The following CBLL1 variants were observed in gnomAD, a reference collection of about 807,000 sequenced individuals.
The protein encoded by CBLL1 is E3 ubiquitin-protein ligase Hakai.
In CBLL1, 4 loss-of-function variants were observed where a neutral mutation model predicts 44.9. The ratio of observed to expected loss-of-function variants is 0.09; its 90% CI spans 0.04 to 0.20. CBLL1 has a LOEUF of 0.20. Among genes scored for constraint, CBLL1 ranks in the 10% least tolerant of loss-of-function variants. The pLI is 1.00. For missense variants in CBLL1, 569 were observed against 636.7 expected (o/e 0.89, Z 1.14); for synonymous variants, 235 against 202.2 (o/e 1.16, Z -1.38).
Position 107,754,954 on chromosome 7 carries a change from G to A in CBLL1, c.367-464G>A, listed in dbSNP as rs76042298. On this transcript the variant is annotated intron_variant, in intron 4 of 5. Transcript: ENST00000440859. The stretch of plus-strand genomic sequence containing the variant: ...AGCCTGGACAATTTAGTGAGACCCT[G>A]TCTGTACAATAAAATAAAATAATTA... Among the ~76,000 whole-genome samples the A allele has an allele frequency of 9.3e-3, 1,411 of 152,038 alleles. 19 individuals are homozygous for A. Among genetic ancestry groups the A allele is most frequent in the African/African-American group, 0.032 (1,347 of 41,452 alleles).
At chr7:107,749,711 A>T (rs1162643222) in intron 2 of CBLL1, among the ~76,000 whole-genome samples, 1 of 151,458 alleles carries the variant, frequency 6.6e-6, no homozygotes, top group Non-Finnish European at 1.5e-5. Context: ...CTTTGGAATT[A>T]AAAAAATAAT....
At chr7:107,747,476 C>A (rs1793073418) in intron 1 of CBLL1, among the ~76,000 whole-genome samples, 1 of 152,172 alleles carries the variant, frequency 6.6e-6, no homozygotes, top group Non-Finnish European at 1.5e-5. Flanking sequence ...ATTCATATTT[C>A]TTTTGGCCAA....
Position 107,759,679 on chromosome 7 carries a change from A to G in CBLL1, c.*501A>G, listed in dbSNP as rs1400126098. ...CCCAAAGTTATAATAAAATCCTGAA[A>G]GTAAAAATCTACTAGAATTTGCTGT... On this transcript the variant is annotated 3_prime_UTR_variant, in exon 6 of 6. Transcript: ENST00000440859. The G allele has an allele frequency of 2.0e-5, 3 of 153,448 alleles. No homozygotes were observed. The highest frequency in any genetic ancestry group is 7.2e-5 in the African/African-American group (3 of 41,464). 9.5% of individuals were successfully genotyped at this position (153,448 alleles called of 1,614,324 possible).
intron 2 of CBLL1, among the ~76,000 whole-genome samples, chr7:107,750,737 ATGTC>A (rs1244860438): frequency 1.3e-5 from 2 of 152,184 alleles, no homozygotes; most frequent in South Asian, 2.1e-4. Context: ...TTAGCAAACT[ATGTC>A]TGTGGGCCAA....
At chr7:107,757,133 T>G (rs1793563368) in intron 5 of CBLL1, among the ~76,000 whole-genome samples, 1 of 152,116 alleles carries the variant, frequency 6.6e-6, no homozygotes, top group Non-Finnish European at 1.5e-5. Context: ...TAGTATAGTG[T>G]CAAATGACCT....
At chr7:107,753,302 G>A (rs1793386764) in intron 2 of CBLL1, 109 bp from the exon 3 acceptor site, 3 of 637,994 alleles carry the variant, frequency 4.7e-6, no homozygotes, top group Non-Finnish European at 5.5e-6. Context: ...AGCTTTGAAA[G>A]GCATCAGATG....
At chr7:107,746,703 C>CA (rs1306654495) in intron 1 of CBLL1, among the ~76,000 whole-genome samples, 1 of 152,084 alleles carries the variant, frequency 6.6e-6, no homozygotes, top group Non-Finnish European at 1.5e-5. Context: ...GAACATTATG[C>CA]AAAAATGACC....
intron 1 of CBLL1, among the ~76,000 whole-genome samples, chr7:107,747,753 ATG>A (rs1375834644): frequency 6.6e-6 from 1 of 152,192 alleles, no homozygotes; most frequent in African/African-American, 2.4e-5. Flanking sequence ...GTGCAAATGA[ATG>A]TGAACTTATT....
chr7:107,745,047 T>C (rs904137276), intron 1 of CBLL1, among the ~76,000 whole-genome samples: 5 of 152,166 alleles, frequency 3.3e-5, no homozygotes, highest in African/African-American at 1.2e-4. Flanking sequence ...TGTATGTTTA[T>C]TTATGTAGGT....
Position 107,759,237 on chromosome 7 carries a change from T to A in CBLL1, c.*59T>A. 6.9e-7 allele frequency: 1 copy of A among 1,441,136 alleles called. No homozygotes were observed. The highest frequency in any genetic ancestry group is 9.4e-7 in the Non-Finnish European group (1 of 1,068,666). The allele number at this position is 1,441,136 out of a possible 1,614,324, so 89.3% of individuals were successfully genotyped here. The stretch of plus-strand genomic sequence containing the variant: ...AAAAAACTTATGTGTAGTCAATCTT[T>A]TAAGCTTTGACTGTTTTGGGAAGGA... On this transcript the variant is annotated 3_prime_UTR_variant, in exon 6 of 6. Coordinates refer to ENST00000440859, the MANE Select transcript of CBLL1 (RefSeq NM_024814.4).
chr7:107,749,940 T>TTTGTTTG (rs1554370382), intron 2 of CBLL1, among the ~76,000 whole-genome samples: 10 of 150,842 alleles, frequency 6.6e-5, no homozygotes, highest in South Asian at 2.1e-4. Flanking sequence ...ATATATATTT[T>TTTGTTTG]TTTGTTTGTT....
rs181431419 is a variant in CBLL1, at chr7:107,752,167, C to T, written c.182-1244C>T. Among the ~76,000 whole-genome samples the T allele has an allele frequency of 2.3e-3, 344 of 149,860 alleles. 3 individuals are homozygous for T. Among genetic ancestry groups the T allele is most frequent in the African/African-American group, 8.0e-3 (326 of 40,636 alleles). ...TGAGCGGAGATTGCGCCACTGCACT[C>T]CAACCTGGGCGACAGAGTGAGACTC... is the stretch of plus-strand genomic sequence containing the variant. On this transcript the variant is annotated intron_variant, in intron 2 of 5. Coordinates refer to ENST00000440859, the MANE Select transcript of CBLL1 (RefSeq NM_024814.4).
At chr7:107,753,315 C>A in intron 2 of CBLL1, 96 bp from the exon 3 acceptor site, 2 of 721,654 alleles carry the variant, frequency 2.8e-6, no homozygotes, top group Admixed American at 3.1e-5. Context: ...ATCAGATGAG[C>A]TTTTTAGTGA....
At chr7:107,744,372 C>T (rs1337510015) in intron 1 of CBLL1, 196 bp downstream of exon 1, 5 of 611,382 alleles carry the variant, frequency 8.2e-6, no homozygotes, top group African/African-American at 7.8e-5. Context: ...GTGGTACCTA[C>T]CTCCTCCGTG....
At position 107,758,514 on chromosome 7, in the gene CBLL1, C is replaced by T; in HGVS notation, c.812C>T (p.Pro271Leu). The change falls in exon 6 of 6, where the codon CCA (proline) becomes CTA (leucine). Residue 271 changes from proline (P) to leucine (L), a missense_variant. By Grantham distance (98) the Pro-to-Leu change is moderately conservative. Coordinates refer to ENST00000440859, the MANE Select transcript of CBLL1 (RefSeq NM_024814.4). The surrounding 1 kb of genome is among the most constrained non-coding windows in gnomAD (Gnocchi z 4.2). ...CCTCCAGCAGAATTGTCCATGGCTC[C>T]ACCTCCACCTCGATCGGTCAGTCAG... The part of the protein sequence containing the change: ...RAPPAELSMA[P>L]PPPRSVSQET... 3.7e-6 allele frequency: 6 copies of T among 1,614,152 alleles called. No individual in the cohort carries two copies. Among genetic ancestry groups the T allele is most frequent in the Non-Finnish European group, 5.1e-6 (6 of 1,180,034 alleles).
intron 5 of CBLL1, among the ~76,000 whole-genome samples, chr7:107,756,532 G>GT (rs769746388): frequency 1.3e-5 from 2 of 151,982 alleles, no homozygotes; most frequent in Non-Finnish European, 2.9e-5. Context: ...TTTTTTGGGT[G>GT]TTTTCTCTCA....
At chr7:107,754,838 C>A (rs1793457351) in intron 4 of CBLL1, among the ~76,000 whole-genome samples, 1 of 151,800 alleles carries the variant, frequency 6.6e-6, no homozygotes, top group Admixed American at 6.6e-5. Flanking sequence ...TTTTGACCTG[C>A]AGGGGGCTGG....
At chr7:107,755,378 A>T in intron 4 of CBLL1, 40 bp from the exon 5 acceptor site, 1 of 1,127,792 alleles carries the variant, frequency 8.9e-7, no homozygotes, top group East Asian at 2.7e-5. Flanking sequence ...AAATATTATA[A>T]GTTCTAATAT....
In CBLL1 at chr7:107,748,968, A is replaced by G; in HGVS notation, c.102A>G (p.Gln34=). Residue 34 remains glutamine (Q), a synonymous_variant, in exon 2 of 6, where the codon CAA becomes CAG. Transcript: ENST00000440859. ...TTCCTATAAAGCTCATCTCCAAACA[A>G]GCAAACAAAGCGAAACCTGCACCGC... ...RRIPIKLISK[Q]ANKAKPAPRT... is the part of the protein sequence containing the mutation. The G allele has an allele frequency of 6.2e-7, 1 of 1,614,208 alleles. No individual in the cohort carries two copies. Among genetic ancestry groups the G allele is most frequent in the Middle Eastern group, 1.6e-4 (1 of 6,062 alleles).
Sources: gnomAD v4.1 joint callset for allele counts (sites outside exome capture counted in the v4.1 genomes callset) on GRCh38, gnomAD v4.1.1 for gene constraint, Gnocchi (gnomAD v3.1) non-coding constraint, MANE v1.5 for transcripts, NCBI Gene and HGNC (gene_info 2026-07-23, HGNC 2026-07-21) for gene names.